The following TAOK1 variants were observed in gnomAD, a reference collection of about 807,000 sequenced individuals.
TAOK1 encodes the protein TAO kinase 1, also known as serine/threonine-protein kinase TAO1.
TAOK1 carries 21 observed loss-of-function variants against 138.3 expected under a neutral mutation model. The observed-to-expected ratio is 0.15, with a 90% CI of 0.11 to 0.22. TAOK1 has a LOEUF of 0.22. Among genes scored for constraint, TAOK1 ranks in the 10% least tolerant of loss-of-function variants. The pLI is 1.00. For missense variants in TAOK1, 651 were observed against 1,227.7 expected (o/e 0.53, Z 7.02); for synonymous variants, 361 against 398.4 (o/e 0.91, Z 1.12).
In TAOK1 at chr17:29,392,215, CA is replaced by C. The variant is rs898854866; in HGVS notation, c.-95+1202del. On this transcript the variant is annotated intron_variant, in intron 1 of 19. Coordinates refer to ENST00000261716, the MANE Select transcript of TAOK1 (RefSeq NM_020791.4). ...TGGGCGACAGAGCGAGACTCCGTTT[CA>C]AAAAAAAAAATTATTAACAATTATT... 7.4e-4 allele frequency among the ~76,000 whole-genome samples: 108 copies of C among 146,340 alleles called. 1 individual carries two copies. The South Asian group carries it at 0.012, about 16-fold the overall frequency.
intron 1 of TAOK1, among the ~76,000 whole-genome samples, chr17:29,426,072 GGGT>G (rs1905629040): frequency 6.6e-6 from 1 of 152,044 alleles, no homozygotes; most frequent in African/African-American, 2.4e-5. Context: ...AGTAGAGACG[GGGT>G]TTCACTGTGT....
intron 18 of TAOK1, among the ~76,000 whole-genome samples, chr17:29,531,684 A>G (rs1271833561): frequency 7.1e-6 from 1 of 140,432 alleles, no homozygotes; most frequent in Non-Finnish European, 1.5e-5. Context: ...AATCACCTGA[A>G]CCCCGGGGGC....
At chr17:29,494,406 G>A (rs2031369076) in intron 10 of TAOK1, among the ~76,000 whole-genome samples, 1 of 152,076 alleles carries the variant, frequency 6.6e-6, no homozygotes, top group Non-Finnish European at 1.5e-5. Context: ...CTGCTTGAGA[G>A]GCTGAGGTGG....
intron 1 of TAOK1, among the ~76,000 whole-genome samples, chr17:29,417,315 C>T (rs1207193818): frequency 6.6e-6 from 1 of 152,042 alleles, no homozygotes; most frequent in Non-Finnish European, 1.5e-5. Flanking sequence ...GCGCCCAGCC[C>T]CTTCCCTCCA....
intron 1 of TAOK1, among the ~76,000 whole-genome samples, chr17:29,391,987 C>CG (rs1233977622): frequency 2.0e-5 from 3 of 152,128 alleles, no homozygotes; most frequent in African/African-American, 7.2e-5. Flanking sequence ...GAGGCCAAGG[C>CG]GGGCGGATCA....
intron 1 of TAOK1, among the ~76,000 whole-genome samples, chr17:29,416,021 G>A (rs969194150): frequency 6.6e-6 from 1 of 152,116 alleles, no homozygotes; most frequent in African/African-American, 2.4e-5. Flanking sequence ...CTAGCACTTG[G>A]GGAGGCTGAG....
At chr17:29,436,636 G>T (rs543295230) in intron 1 of TAOK1, among the ~76,000 whole-genome samples, 1 of 152,214 alleles carries the variant, frequency 6.6e-6, no homozygotes, top group African/African-American at 2.4e-5. Context: ...AACACAATTG[G>T]CAAAGAAGTT....
At chr17:29,466,402 C>G (rs1488794837) in intron 2 of TAOK1, among the ~76,000 whole-genome samples, 1 of 152,128 alleles carries the variant, frequency 6.6e-6, no homozygotes, top group African/African-American at 2.4e-5. Context: ...CTTCACCCTC[C>G]CAAAGTGCTG....
chr17:29,517,350 C>A, intron 15 of TAOK1, 103 bp from the exon 16 acceptor site: 3 of 1,071,990 alleles, frequency 2.8e-6, no homozygotes, highest in Non-Finnish European at 2.7e-6. Flanking sequence ...AAACTCCTGA[C>A]CTCAGGTGAT....
At chr17:29,504,042 C>T (rs950095587) in intron 13 of TAOK1, among the ~76,000 whole-genome samples, 15 of 150,862 alleles carry the variant, frequency 9.9e-5, no homozygotes, top group African/African-American at 2.7e-4. Flanking sequence ...ACCCGGGAGG[C>T]GGAGGCTGCA....
chr17:29,464,749 C>A (rs551809007), intron 2 of TAOK1, among the ~76,000 whole-genome samples: 10 of 151,962 alleles, frequency 6.6e-5, no homozygotes, highest in African/African-American at 2.4e-4. Context: ...AACCAATCCA[C>A]TGGCAGTTGA....
At chr17:29,410,436 A>G (rs1905110417) in intron 1 of TAOK1, among the ~76,000 whole-genome samples, 1 of 151,336 alleles carries the variant, frequency 6.6e-6, no homozygotes, top group Non-Finnish European at 1.5e-5. Flanking sequence ...TATTTTTAGC[A>G]GAAACGGGGT....
rs1272610616 is a variant in TAOK1, at chr17:29,498,976, TC to T, written c.1203+457del. ...TTTTAATGGAAAAAGCCTTGTTAAC[TC>T]CTAACCTGTTATCTCCATTTGGAAA... On this transcript the variant is annotated intron_variant, in intron 12 of 19. Coordinates refer to ENST00000261716, the MANE Select transcript of TAOK1 (RefSeq NM_020791.4). 1.6e-4 allele frequency among the ~76,000 whole-genome samples: 25 copies of T among 151,840 alleles called. No homozygotes were observed. In the East Asian group the frequency reaches 4.1e-3, roughly 25 times the overall value.
chr17:29,530,912 G>A (rs1026344381), intron 18 of TAOK1, among the ~76,000 whole-genome samples: 1 of 150,566 alleles, frequency 6.6e-6, no homozygotes, highest in South Asian at 2.1e-4. Context: ...GTGAGCAAAA[G>A]GTATGATTAT....
intron 1 of TAOK1, among the ~76,000 whole-genome samples, chr17:29,394,215 G>A: frequency 7.6e-6 from 1 of 131,788 alleles, no homozygotes; most frequent in East Asian, 2.3e-4. Context: ...GCCCAGGCTG[G>A]AGTGCAGTGG....
intron 8 of TAOK1, among the ~76,000 whole-genome samples, chr17:29,486,337 A>G (rs1204290713): frequency 3.3e-5 from 5 of 152,168 alleles, no homozygotes; most frequent in African/African-American, 1.2e-4. Flanking sequence ...TTTGAGATAA[A>G]AAATATTTGG....
Position 29,517,436 on chromosome 17 carries a change from G to GT in TAOK1, c.1705-11dup, listed in dbSNP as rs1278564085. 1.2e-6 allele frequency: 2 copies of GT among 1,611,366 alleles called. No homozygotes were observed. The highest frequency in any genetic ancestry group is 1.7e-6 in the Non-Finnish European group (2 of 1,179,464). On this transcript the variant is annotated splice_polypyrimidine_tract_variant and intron_variant, in intron 15 of 19. Coordinates refer to ENST00000261716, the MANE Select transcript of TAOK1 (RefSeq NM_020791.4). ...TGCCAGGCCTATTTTTACCTGAGTT[G>GT]TTTTTTATGTTGCCAGGAGCTAAAT...
At chr17:29,483,447 G>A (rs1041822852) in intron 8 of TAOK1, among the ~76,000 whole-genome samples, 2 of 152,080 alleles carry the variant, frequency 1.3e-5, no homozygotes, top group Non-Finnish European at 2.9e-5. Flanking sequence ...TGGTAATTTT[G>A]ATTAATCATT....
At chr17:29,402,882 C>CA (rs1458039857) in intron 1 of TAOK1, among the ~76,000 whole-genome samples, 2 of 149,552 alleles carry the variant, frequency 1.3e-5, no homozygotes, top group African/African-American at 4.9e-5. Flanking sequence ...ACTAAAAATA[C>CA]AAAAAAATTA....
Sources: allele counts gnomAD v4.1 joint callset (sites outside exome capture counted in the v4.1 genomes callset), GRCh38; gene constraint gnomAD v4.1.1; transcripts MANE v1.5; gene names NCBI Gene and HGNC (gene_info 2026-07-23, HGNC 2026-07-21).